HTT: variants seen among roughly 807,000 people sequenced by gnomAD.
The protein encoded by HTT is huntingtin.
A neutral mutation model predicts 362.3 loss-of-function variants in HTT; 104 were observed. That is an observed-to-expected ratio of 0.29 (90% CI 0.24 to 0.34). The LOEUF is 0.34. HTT is among the 10% of genes least tolerant of loss of function. HTT has a pLI of 1.00. For synonymous variants in HTT, 1,577 were observed against 1,548.7 expected (o/e 1.02, Z -0.43); for missense variants, 3,301 against 3,928.6 (o/e 0.84, Z 4.27).
At chr4:3,098,773 A>G (rs533157645) in intron 2 of HTT, among the ~76,000 whole-genome samples, 9 of 152,356 alleles carry the variant, frequency 5.9e-5, no homozygotes, top group African/African-American at 1.9e-4. Context: ...GCAAGATTAA[A>G]AAGGGGCAGG....
chr4:3,210,366 C>A (rs1462395714), intron 47 of HTT, among the ~76,000 whole-genome samples: 1 of 152,228 alleles, frequency 6.6e-6, no homozygotes, highest in Non-Finnish European at 1.5e-5. Flanking sequence ...TTGCCGTAGA[C>A]TTCAACACAG....
chr4:3,108,670 C>T (rs1235900854), intron 6 of HTT, among the ~76,000 whole-genome samples: 5 of 152,152 alleles, frequency 3.3e-5, no homozygotes, highest in Admixed American at 1.3e-4. Flanking sequence ...AACGTAGAAT[C>T]CGTTAATTAC....
intron 10 of HTT, 81 bp downstream of exon 10, chr4:3,123,017 T>G: frequency 9.0e-7 from 1 of 1,115,818 alleles, no homozygotes; most frequent in Non-Finnish European, 1.3e-6. Flanking sequence ...ATCTTGTATT[T>G]CTTGTAATAC....
At chr4:3,151,868 T>C (rs570086004) in intron 26 of HTT, among the ~76,000 whole-genome samples, 7 of 152,322 alleles carry the variant, frequency 4.6e-5, no homozygotes, top group African/African-American at 7.2e-5. Context: ...CAGACTGATA[T>C]ACTATCTCAT....
chr4:3,224,476 T>G (rs987331169), intron 56 of HTT, among the ~76,000 whole-genome samples: 1 of 152,232 alleles, frequency 6.6e-6, no homozygotes, highest in Admixed American at 6.5e-5. Context: ...CAGCTTTTCC[T>G]AAGAAACCAT....
At chr4:3,199,412 C>T (rs1719420582) in intron 40 of HTT, among the ~76,000 whole-genome samples, 1 of 151,906 alleles carries the variant, frequency 6.6e-6, no homozygotes, top group Non-Finnish European at 1.5e-5. Flanking sequence ...TGGTGGCAGG[C>T]GCCTGTAATC....
intron 6 of HTT, among the ~76,000 whole-genome samples, chr4:3,109,867 GA>G (rs1370946723): frequency 6.6e-6 from 1 of 152,120 alleles, no homozygotes; most frequent in African/African-American, 2.4e-5. Flanking sequence ...AGTTCTAGGT[GA>G]CCCAGTGCTG....
intron 2 of HTT, among the ~76,000 whole-genome samples, chr4:3,089,422 T>G (rs1278063569): frequency 6.6e-6 from 1 of 152,116 alleles, no homozygotes; most frequent in East Asian, 1.9e-4. Context: ...CCTGGCTAAA[T>G]TTTTGTATTT....
chr4:3,204,239 C>A, intron 42 of HTT, 91 bp downstream of exon 42: 1 of 1,288,142 alleles, frequency 7.8e-7, no homozygotes, highest in Non-Finnish European at 1.1e-6. Context: ...CCCTCTGGAA[C>A]CCAGACCGCC....
Position 3,206,517 on chromosome 4 carries a change from G to A in HTT, c.5740G>A (p.Glu1914Lys), listed in dbSNP as rs763949259. 1 of 1,613,926 alleles carries A rather than the reference G, an allele frequency of 6.2e-7. No individual in the cohort carries two copies. The highest frequency in any genetic ancestry group is 8.5e-7 in the Non-Finnish European group (1 of 1,179,908). The change falls in exon 43 of 67, where the codon GAG becomes AAG. Residue 1914 changes from glutamate (E) to lysine (K), a missense_variant. Physicochemically the swap from Glu to Lys is moderately conservative, Grantham distance 56 (BLOSUM62 1). Around this residue, in one of 4 missense-constraint regions of HTT, gnomAD observed 2,316 missense variants for 2,658.5 expected, o/e 0.87. Coordinates refer to ENST00000355072, the MANE Select transcript of HTT (RefSeq NM_001388492.1). The surrounding 1 kb of genome is among the most constrained non-coding windows in gnomAD (Gnocchi z 4.6). ...DYVCQNLHDSEHLTWLIVNHI... is the reference protein window; with the variant it reads ...DYVCQNLHDSKHLTWLIVNHI... ...TTAGTGTCAGAACCTCCATGACTCC[G>A]AGCACTTAACGTGGCTCATTGTAAA...
chr4:3,199,948 A>C lies in HTT; in HGVS notation c.5576+9A>C, dbSNP rs750434786. The C allele has an allele frequency of 6.8e-6, 11 of 1,608,320 alleles. No homozygotes were observed. In the African/African-American group the frequency reaches 1.2e-4, roughly 18 times the overall value. The stretch of plus-strand genomic sequence containing the variant: ...GTGCAGCAGACCCCGAAGTAGGTTC[A>C]TAATGCCCCACAGCCCAGGGCGCCA... On this transcript the variant is annotated intron_variant, in intron 41 of 66. Transcript: ENST00000355072.
chr4:3,214,531 T>C (rs1319951622), intron 50 of HTT, among the ~76,000 whole-genome samples: 1 of 152,230 alleles, frequency 6.6e-6, no homozygotes, highest in Non-Finnish European at 1.5e-5. Context: ...TTATACTGCA[T>C]TGTAATATTA....
intron 1 of HTT, among the ~76,000 whole-genome samples, chr4:3,081,550 CTTTTTTTTTTTTT>C (rs770325842): frequency 2.4e-5 from 2 of 84,526 alleles, no homozygotes; most frequent in Admixed American, 1.5e-4. Context: ...GAAAGCATTT[CTTTTTTTTTTTTT>C]TTTTTTTTTT....
intron 33 of HTT, among the ~76,000 whole-genome samples, chr4:3,175,747 T>C (rs960940735): frequency 6.6e-6 from 1 of 152,232 alleles, no homozygotes; most frequent in African/African-American, 2.4e-5. Flanking sequence ...CCCAGTTAAA[T>C]CACTGCAGAT....
At chr4:3,186,491 G>A (rs1291780910) in intron 37 of HTT, 106 bp from the exon 38 acceptor site, 8 of 1,259,872 alleles carry the variant, frequency 6.3e-6, no homozygotes, top group East Asian at 4.8e-5. Flanking sequence ...GGAAGGTGAC[G>A]ATGAGATGAT....
chr4:3,178,187 G>C, intron 34 of HTT, 111 bp from the exon 35 acceptor site: 1 of 825,104 alleles, frequency 1.2e-6, no homozygotes, highest in Admixed American at 2.2e-5. Flanking sequence ...ACACCTGTTA[G>C]CTTGATGTGT....
Position 3,206,839 on chromosome 4 carries a change from G to A in HTT, c.5931G>A (p.Leu1977=), listed in dbSNP as rs765688336. Residue 1977 remains leucine (L), a synonymous_variant, in exon 44 of 67, where the codon TTG becomes TTA. Coordinates refer to ENST00000355072, the MANE Select transcript of HTT (RefSeq NM_001388492.1). This position sits in a 1 kb window ranked among gnomAD's most constrained non-coding sequence, Gnocchi z 4.6. ...TGCTGAAGAAAACTCTTCAGTGCTT[G>A]GAGGGGATCCATCTCAGCCAGTCGG... ...PTMLKKTLQC[L]EGIHLSQSGA... 1.2e-6 allele frequency: 2 copies of A among 1,610,794 alleles called. No homozygotes were observed. The highest frequency in any genetic ancestry group is 1.7e-5 in the Admixed American group (1 of 59,774).
chr4:3,100,078 G>A (rs915687387), intron 3 of HTT, among the ~76,000 whole-genome samples: 4 of 152,240 alleles, frequency 2.6e-5, no homozygotes, highest in Admixed American at 6.5e-5. Flanking sequence ...GAAGGGAACC[G>A]ATGGTAGCCA....
At chr4:3,129,399 CATTGTTCAGTTTTTT>C (rs1715687266) in intron 12 of HTT, 1 of 152,856 alleles carries the variant, frequency 6.5e-6, no homozygotes. Context: ...GCTGGTAGTC[CATTGTTCAGTTTTTT>C]TAGGTAAATT....
Sources: gnomAD v4.1 joint callset for allele counts (sites outside exome capture counted in the v4.1 genomes callset) on GRCh38, gnomAD v4.1.1 for gene constraint, gnomAD v4.1.1 regional missense constraint, Gnocchi (gnomAD v3.1) non-coding constraint, MANE v1.5 for transcripts, NCBI Gene and HGNC (gene_info 2026-07-23, HGNC 2026-07-21) for gene names.